Variants in IL21R observed in about 807,000 individuals in gnomAD.
The protein encoded by IL21R is interleukin 21 receptor.
IL21R carries 14 observed loss-of-function variants against 41.3 expected under a neutral mutation model. The observed-to-expected ratio is 0.34, with a 90% CI of 0.22 to 0.53. The LOEUF (loss-of-function observed/expected upper bound fraction) is 0.53. IL21R is among the 20% of genes least tolerant of loss of function. The pLI, the probability that IL21R is intolerant of heterozygous loss-of-function variation, is 0.94. For missense variants in IL21R, 588 were observed against 681.6 expected, an observed-to-expected ratio of 0.86 and a Z score of 1.53; for synonymous variants, 286 against 287.6, an observed-to-expected ratio of 0.99 and a Z score of 0.05.
At chr16:27,409,415 C>T (rs1157641489) in intron 1 of IL21R, among the ~76,000 whole-genome samples, 2 of 151,678 alleles carry the variant, frequency 1.3e-5, no homozygotes, top group Non-Finnish European at 2.9e-5. Context: ...CCAGAACTTT[C>T]TATGTGCTGT....
In IL21R at chr16:27,445,244, C is replaced by T. The variant is rs1237106214; in HGVS notation, c.753C>T (p.Ala251=). Residue 251 remains alanine (A), a synonymous_variant, in exon 7 of 9, where the codon GCC becomes GCT. Transcript: ENST00000337929. ...LLLLVIVFIP[A]FWSLKTHPLW... is the part of the protein sequence containing the mutation. ...TGCTTGTCATAGTCTTCATTCCTGC[C>T]TTCTGGAGCCTGAAGACCCATCCAT... 28 of 1,613,874 alleles carry T rather than the reference C, an allele frequency of 1.7e-5. No individual in the cohort carries two copies. The highest frequency in any genetic ancestry group is 2.3e-5 in the Non-Finnish European group (27 of 1,179,900).
intron 1 of IL21R, chr16:27,403,121 G>A (rs570879154): frequency 7.8e-6 from 6 of 773,882 alleles, no homozygotes; most frequent in African/African-American, 3.5e-5. Context: ...ATTTTCCCTC[G>A]GTGACTCAAC....
Position 27,434,545 on chromosome 16 carries a change from G to A in IL21R, c.152+96G>A, listed in dbSNP as rs3093324. The A allele has an allele frequency of 7.2e-3, 5,661 of 782,368 alleles. 187 individuals carry two copies. In the African/African-American group the frequency reaches 0.081, roughly 11 times the overall value. The allele number at this position is 782,368 out of a possible 1,614,324, so 48.5% of individuals were successfully genotyped here. Reference sequence around the variant, plus strand: ...GACACTGTGCACTGAGGACCACTGTGTCCGCCTTTCAGACAACCACTCAGG... The same window carrying A: ...GACACTGTGCACTGAGGACCACTGTATCCGCCTTTCAGACAACCACTCAGG... On this transcript the variant is annotated intron_variant, in intron 3 of 8. Coordinates refer to ENST00000337929, the MANE Select transcript of IL21R (RefSeq NM_181078.3).
In IL21R at chr16:27,411,454, C is replaced by CTT. The variant is rs59761925; in HGVS notation, c.-17+8861_-17+8862dup. ...GAAATGTCTATTCATGTCCTTTGTC[C>CTT]TTTTTTTTTTTTTTTTTTTTTTTTT... On this transcript the variant is annotated intron_variant, in intron 1 of 8. Transcript: ENST00000337929. Among the ~76,000 whole-genome samples, 27 of 58,102 alleles carry CTT rather than the reference C, an allele frequency of 4.6e-4. 1 individual carries two copies. Among genetic ancestry groups the CTT allele is most frequent in the East Asian group, 1.5e-3 (2 of 1,296 alleles). The allele number at this position is 58,102 out of a possible 152,430, so 38.1% of individuals were successfully genotyped here.
intron 1 of IL21R, among the ~76,000 whole-genome samples, chr16:27,429,351 T>A (rs180913481): frequency 2.8e-3 from 430 of 152,338 alleles, no homozygotes; most frequent in Middle Eastern, 0.01. Context: ...CTTTTCTCTC[T>A]CCCTTCCTCT....
intron 5 of IL21R, chr16:27,443,846 T>C (rs1238670509): frequency 6.6e-6 from 1 of 151,442 alleles, no homozygotes; most frequent in Non-Finnish European, 1.5e-5. Flanking sequence ...TGTTGAGTGA[T>C]GTCCTTCCAG....
intron 2 of IL21R, among the ~76,000 whole-genome samples, chr16:27,431,982 G>T (rs1041455009): frequency 3.3e-5 from 5 of 152,150 alleles, no homozygotes; most frequent in African/African-American, 9.7e-5. Context: ...ACCCCCAGAG[G>T]GGACACACGC....
intron 1 of IL21R, among the ~76,000 whole-genome samples, chr16:27,406,376 G>C (rs1388269335): frequency 6.6e-6 from 1 of 151,976 alleles, no homozygotes; most frequent in South Asian, 2.1e-4. Flanking sequence ...CAGGGAGATA[G>C]AGATTGCACA....
At position 27,448,706 on chromosome 16, in the gene IL21R, C is replaced by T. The variant is rs1596600087; in HGVS notation, c.1040C>T (p.Pro347Leu). The T allele has an allele frequency of 6.2e-7, 1 of 1,613,270 alleles. No homozygotes were observed. Among genetic ancestry groups the T allele is most frequent in the Non-Finnish European group, 8.5e-7 (1 of 1,179,998 alleles). The change falls in exon 9 of 9, where the codon CCC (proline) becomes CTC (leucine). Residue 347 changes from proline to leucine, a missense_variant. Pro to Leu is a moderately conservative substitution (Grantham distance 98, BLOSUM62 -3). Coordinates refer to ENST00000337929, the MANE Select transcript of IL21R (RefSeq NM_181078.3). ...PAELVESDGV[P>L]KPSFWPTAQN... The stretch of plus-strand genomic sequence containing the variant: ...GAGCTGGTGGAGTCTGACGGTGTGC[C>T]CAAGCCCAGCTTCTGGCCGACAGCC...
At chr16:27,439,397 ACACACT>A (rs1376255630) in intron 4 of IL21R, among the ~76,000 whole-genome samples, 1 of 151,594 alleles carries the variant, frequency 6.6e-6, no homozygotes, top group African/African-American at 2.4e-5. Flanking sequence ...CACAATACAC[ACACACT>A]CACACATATA....
chr16:27,434,701 T>TAG (rs1412514086), intron 3 of IL21R, among the ~76,000 whole-genome samples: 1 of 152,138 alleles, frequency 6.6e-6, no homozygotes, highest in Non-Finnish European at 1.5e-5. Context: ...GCATGATTTT[T>TAG]CAAGCACTTA....
chr16:27,440,236 T>C (rs1264852651), intron 4 of IL21R, among the ~76,000 whole-genome samples: 1 of 86,258 alleles, frequency 1.2e-5, no homozygotes. Context: ...TATATATATA[T>C]ATATATATAT....
chr16:27,406,187 G>A (rs928271071), intron 1 of IL21R, among the ~76,000 whole-genome samples: 1 of 152,272 alleles, frequency 6.6e-6, no homozygotes, highest in African/African-American at 2.4e-5. Context: ...GGGAACTGAG[G>A]GGAGAGAGAC....
At chr16:27,418,011 A>ATTTTATTTTATTTTATTTTAT (rs1218764300) in intron 1 of IL21R, among the ~76,000 whole-genome samples, 4 of 97,898 alleles carry the variant, frequency 4.1e-5, no homozygotes, top group African/African-American at 1.2e-4. Flanking sequence ...TTCCTATTTT[A>ATTTTATTTTATTTTATTTTAT]TTTATTTTAT....
At chr16:27,412,274 A>G (rs970243103) in intron 1 of IL21R, among the ~76,000 whole-genome samples, 2 of 152,086 alleles carry the variant, frequency 1.3e-5, no homozygotes, top group African/African-American at 4.8e-5. Context: ...TGGGCTCTCT[A>G]TTCTTTTCCA....
intron 1 of IL21R, chr16:27,427,146 C>T (rs765014614): frequency 2.8e-5 from 6 of 212,648 alleles, no homozygotes; most frequent in Non-Finnish European, 4.9e-5. Flanking sequence ...GGGTTGACAT[C>T]CATCCCTGAT....
In IL21R at chr16:27,403,139, T is replaced by C. The variant is rs757728981; in HGVS notation, c.-17+521T>C. The stretch of plus-strand genomic sequence containing the variant: ...TTCCCTCGGTGACTCAACTGGGACG[T>C]AGCAGGTCGGGCAGTCAAGCCAGGT... On this transcript the variant is annotated intron_variant, in intron 1 of 8. Coordinates refer to ENST00000337929, the MANE Select transcript of IL21R (RefSeq NM_181078.3). 9 of 983,510 alleles carry C rather than the reference T, an allele frequency of 9.2e-6. No individual in the cohort carries two copies. The Admixed American group carries it at 1.3e-4, about 15-fold the overall frequency. The allele number at this position is 983,510 out of a possible 1,614,324, so 60.9% of individuals were successfully genotyped here.
intron 1 of IL21R, among the ~76,000 whole-genome samples, chr16:27,418,217 C>G (rs1249738408): frequency 6.7e-6 from 1 of 148,594 alleles, no homozygotes; most frequent in Non-Finnish European, 1.5e-5. Flanking sequence ...CTACAGGCGC[C>G]TGCCACTGCG....
At chr16:27,427,748 T>A (rs2087102996) in intron 1 of IL21R, among the ~76,000 whole-genome samples, 1 of 151,988 alleles carries the variant, frequency 6.6e-6, no homozygotes, top group Admixed American at 6.6e-5. Flanking sequence ...GGGTGATGGA[T>A]GTGGACAGAA....
Sources: allele counts gnomAD v4.1 joint callset (sites outside exome capture counted in the v4.1 genomes callset), GRCh38; gene constraint gnomAD v4.1.1; transcripts MANE v1.5; gene names NCBI Gene and HGNC (gene_info 2026-07-23, HGNC 2026-07-21).